Variants in NBR1 observed in about 807,000 individuals in gnomAD.
The protein encoded by NBR1 is next to BRCA1 gene 1 protein.
Under a neutral mutation model 115.5 loss-of-function variants are expected in NBR1, and 59 were observed. That is an observed-to-expected ratio of 0.51 (90% CI 0.41 to 0.63). NBR1 has a LOEUF of 0.63. NBR1 is among the 30% of genes least tolerant of loss of function. The probability of loss-of-function intolerance (pLI) is 0.00; values close to 1 mark genes in which losing one functional copy is unlikely to be tolerated. For synonymous variants in NBR1, 373 were observed against 414.7 expected, an observed-to-expected ratio of 0.90 and a Z score of 1.22; for missense variants, 1,043 against 1,150.5, an observed-to-expected ratio of 0.91 and a Z score of 1.35.
At chr17:43,174,470 C>T (rs1339102506) in intron 1 of NBR1, among the ~76,000 whole-genome samples, 1 of 151,852 alleles carries the variant, frequency 6.6e-6, no homozygotes, top group East Asian at 1.9e-4. Context: ...TGGTGGCGGG[C>T]GCCTGTAGTC....
intron 14 of NBR1, chr17:43,195,249 T>A (rs2057040193): frequency 1.9e-6 from 1 of 540,138 alleles, no homozygotes; most frequent in Admixed American, 3.6e-5. Flanking sequence ...GTGTCTATAA[T>A]CCCAGCTCTT....
chr17:43,197,166 C>A, intron 16 of NBR1, 60 bp downstream of exon 16: 2 of 1,478,860 alleles, frequency 1.4e-6, no homozygotes, highest in Non-Finnish European at 9.4e-7. Flanking sequence ...GACTGCCAGA[C>A]TTGACTAGTT....
At chr17:43,185,426 A>G (rs1019354232) in intron 5 of NBR1, among the ~76,000 whole-genome samples, 18 of 152,036 alleles carry the variant, frequency 1.2e-4, no homozygotes, top group Non-Finnish European at 1.8e-4. Flanking sequence ...TTAGCCAGGT[A>G]TGGTGGTGCG....
intron 6 of NBR1, 100 bp from the exon 7 acceptor site, chr17:43,188,942 G>T: frequency 1.2e-6 from 1 of 832,686 alleles, no homozygotes; most frequent in Non-Finnish European, 2.0e-6. Context: ...TTATATACTT[G>T]TATGATTTCA....
At position 43,211,542 on chromosome 17, in the gene NBR1, G is replaced by GT. The variant is rs1280633962; in HGVS notation, c.*1469dup. 1 of 152,572 alleles carries GT rather than the reference G, an allele frequency of 6.6e-6. No homozygotes were observed. Among genetic ancestry groups the GT allele is most frequent in the Non-Finnish European group, 1.5e-5 (1 of 68,050 alleles). The allele number at this position is 152,572 out of a possible 1,614,324, so 9.5% of individuals were successfully genotyped here. On this transcript the variant is annotated 3_prime_UTR_variant, in exon 21 of 21. Transcript: ENST00000590996. ...CGGGTAGAAGGTGGAGCGGCAGGGT[G>GT]TAATTGGGTTGATGGGTGGGACCTG...
Position 43,210,998 on chromosome 17 carries a change from G to A in NBR1, c.*924G>A, listed in dbSNP as rs1188517904. 3.1e-6 allele frequency: 1 copy of A among 324,134 alleles called. No individual in the cohort carries two copies. Among genetic ancestry groups the A allele is most frequent in the Admixed American group, 4.9e-5 (1 of 20,506 alleles). 20.1% of individuals were successfully genotyped at this position (324,134 alleles called of 1,614,324 possible). On this transcript the variant is annotated 3_prime_UTR_variant, in exon 21 of 21. Transcript: ENST00000590996. Reference sequence around the variant, plus strand: ...CCTAAATTAATGTCAGTGAAGTTCAGGGTGGGCAAATGAGTGTGTGTGAGG... The same window carrying A: ...CCTAAATTAATGTCAGTGAAGTTCAAGGTGGGCAAATGAGTGTGTGTGAGG...
rs184236455 is a variant in NBR1 at position 43,195,003 on chromosome 17, C to G, written c.1714C>G (p.Gln572Glu). 3.0e-3 allele frequency: 4,769 copies of G among 1,613,612 alleles called. 14 individuals are homozygous for G. Among genetic ancestry groups the G allele is most frequent in the Non-Finnish European group, 3.8e-3 (4,429 of 1,179,722 alleles). Residue 572 changes from glutamine (Q) to glutamate (E), a missense_variant, in exon 14 of 21, where the codon CAA (glutamine) becomes GAA (glutamate). Coordinates refer to ENST00000590996, the MANE Select transcript of NBR1 (RefSeq NM_005899.5). Reference sequence around the variant, plus strand: ...TGAGCTGTTGGATATAAACATTGTTCAAGAGTTGGAGAGAGTGCCCCACAA... The same window carrying G: ...TGAGCTGTTGGATATAAACATTGTTGAAGAGTTGGAGAGAGTGCCCCACAA... The part of the protein sequence containing the change: ...SFELLDINIV[Q>E]ELERVPHNTP...
chr17:43,177,106 A>G (rs1294741672), intron 2 of NBR1, among the ~76,000 whole-genome samples: 14 of 151,802 alleles, frequency 9.2e-5, no homozygotes, highest in Non-Finnish European at 2.9e-5. Flanking sequence ...CCCCATCTCT[A>G]CCAAAAAAAT....
intron 3 of NBR1, among the ~76,000 whole-genome samples, chr17:43,178,566 G>GTTTCAT (rs1161214107): frequency 6.7e-6 from 1 of 149,062 alleles, no homozygotes; most frequent in East Asian, 2.0e-4. Context: ...TAGTAGAGAC[G>GTTTCAT]GTATTTCACC....
At chr17:43,187,648 ACAGG>A (rs1233076360) in intron 6 of NBR1, among the ~76,000 whole-genome samples, 1 of 150,580 alleles carries the variant, frequency 6.6e-6, no homozygotes, top group Non-Finnish European at 1.5e-5. Flanking sequence ...AGCTGGGATT[ACAGG>A]CACACACCAC....
chr17:43,188,726 C>T (rs2056876633), intron 6 of NBR1, among the ~76,000 whole-genome samples: 1 of 152,180 alleles, frequency 6.6e-6, no homozygotes, highest in East Asian at 1.9e-4. Flanking sequence ...AATCCTTTCC[C>T]CATTGCCTGT....
Position 43,210,949 on chromosome 17 carries a change from CAT to C in NBR1, c.*876_*877del. Reference sequence around the variant, plus strand: ...TACAGTACAGTGGGGGAAATAGAAACATGTGAAAGGCAAAAGGCAGGCTCCTA... The same window carrying C: ...TACAGTACAGTGGGGGAAATAGAAACGTGAAAGGCAAAAGGCAGGCTCCTA... On this transcript the variant is annotated 3_prime_UTR_variant, in exon 21 of 21. Transcript: ENST00000590996. 8.0e-6 allele frequency: 3 copies of C among 377,190 alleles called. No homozygotes were observed. Among genetic ancestry groups the C allele is most frequent in the Non-Finnish European group, 1.4e-5 (3 of 214,264 alleles). 23.4% of individuals were successfully genotyped at this position (377,190 alleles called of 1,614,324 possible).
At position 43,182,217 on chromosome 17, in the gene NBR1, T is replaced by A. The variant is rs1363812252; in HGVS notation, c.207+1400T>A. ...TCCCTCACTCTGTTCTCTCCTTTTT[T>A]TTTTTTTTTTTTTTTTTTGAGACAG... On this transcript the variant is annotated intron_variant, in intron 5 of 20. Transcript: ENST00000590996. Among the ~76,000 whole-genome samples the A allele has an allele frequency of 2.4e-4, 32 of 136,034 alleles. 1 individual carries two copies. Among genetic ancestry groups the A allele is most frequent in the African/African-American group, 8.3e-4 (30 of 36,160 alleles). 89.2% of individuals were successfully genotyped at this position (136,034 alleles called of 152,430 possible). A position where few individuals can be genotyped will look rare whatever the true frequency, so the allele number is the denominator to read the frequency against.
At chr17:43,205,675 A>C (rs1344205084) in intron 20 of NBR1, among the ~76,000 whole-genome samples, 1 of 151,962 alleles carries the variant, frequency 6.6e-6, no homozygotes, top group East Asian at 1.9e-4. Context: ...CCAGGAGTTC[A>C]AGACCAGTTT....
At chr17:43,209,128 G>A (rs2057370076) in intron 20 of NBR1, among the ~76,000 whole-genome samples, 1 of 151,560 alleles carries the variant, frequency 6.6e-6, no homozygotes, top group South Asian at 2.1e-4. Flanking sequence ...CCAGGCTGGA[G>A]TGCAATGGCG....
intron 20 of NBR1, chr17:43,209,664 G>C: frequency 5.2e-6 from 8 of 1,535,220 alleles, no homozygotes; most frequent in Non-Finnish European, 7.0e-6. Flanking sequence ...TTAGCTCCCC[G>C]GTTTCCCTTT....
At chr17:43,191,286 A>G (rs2056937859) in intron 9 of NBR1, 86 bp from the exon 10 acceptor site, 2 of 912,484 alleles carry the variant, frequency 2.2e-6, no homozygotes, top group Admixed American at 2.5e-5. Context: ...CTGGAAGCTG[A>G]CACTGATGGA....
chr17:43,206,185 A>AG (rs1403600122), intron 20 of NBR1, among the ~76,000 whole-genome samples: 1 of 151,748 alleles, frequency 6.6e-6, no homozygotes, highest in Non-Finnish European at 1.5e-5. Context: ...CAAAAAAAAA[A>AG]AAAAAGAAAA....
At position 43,180,830 on chromosome 17, in the gene NBR1, T is replaced by C; in HGVS notation, c.207+13T>C. 7.0e-7 allele frequency: 1 copy of C among 1,425,650 alleles called. No individual in the cohort carries two copies. Among genetic ancestry groups the C allele is most frequent in the Non-Finnish European group, 9.2e-7 (1 of 1,084,320 alleles). The allele number at this position is 1,425,650 out of a possible 1,614,324, so 88.3% of individuals were successfully genotyped here. On this transcript the variant is annotated intron_variant, in intron 5 of 20. Coordinates refer to ENST00000590996, the MANE Select transcript of NBR1 (RefSeq NM_005899.5). The stretch of plus-strand genomic sequence containing the variant: ...AGAAGCGCTTAAGGTAATGATTATT[T>C]AATCTCATTTTTAAATAATTTAAAA...
Sources: allele counts gnomAD v4.1 joint callset (sites outside exome capture counted in the v4.1 genomes callset), GRCh38; gene constraint gnomAD v4.1.1; transcripts MANE v1.5; gene names NCBI Gene and HGNC (gene_info 2026-07-23, HGNC 2026-07-21).